PITHD1: variants seen among roughly 807,000 people sequenced by gnomAD.
PITHD1 encodes PITH domain containing 1.
Under a neutral mutation model 27.5 loss-of-function variants are expected in PITHD1, and 8 were observed. The observed-to-expected ratio is 0.29, with a 90% CI of 0.17 to 0.52. The LOEUF (loss-of-function observed/expected upper bound fraction) is 0.52. Among genes scored for constraint, PITHD1 ranks in the 20% least tolerant of loss-of-function variants. PITHD1 has a pLI of 0.96. For missense variants in PITHD1, 233 were observed against 283.9 expected (o/e 0.82, Z 1.29); for synonymous variants, 118 against 106.8 (o/e 1.10, Z -0.64).
intron 3 of PITHD1, among the ~76,000 whole-genome samples, chr1:23,781,996 A>G (rs113438711): frequency 3.0e-4 from 46 of 152,328 alleles, no homozygotes; most frequent in African/African-American, 1.1e-3. Flanking sequence ...AAAATGTACC[A>G]TTATATTCAA....
Position 23,787,410 on chromosome 1 carries a change from C to A in PITHD1, c.*34C>A. 1 of 1,204,644 alleles carries A rather than the reference C, an allele frequency of 8.3e-7. No individual in the cohort carries two copies. Among genetic ancestry groups the A allele is most frequent in the Non-Finnish European group, 1.2e-6 (1 of 810,788 alleles). The allele number at this position is 1,204,644 out of a possible 1,614,324, so 74.6% of individuals were successfully genotyped here. The stretch of plus-strand genomic sequence containing the variant: ...CAAGGCTCCCATAGAGGCGCTGTGT[C>A]AGTGAAGATGTACGACTACCTGTTG... On this transcript the variant is annotated 3_prime_UTR_variant, in exon 6 of 6. Transcript: ENST00000246151.
intron 3 of PITHD1, among the ~76,000 whole-genome samples, chr1:23,780,554 C>T (rs553992206): frequency 1.1e-4 from 16 of 152,114 alleles, no homozygotes; most frequent in East Asian, 9.6e-4. Context: ...AAATTCAGTC[C>T]GGGTGCAGTA....
chr1:23,779,501 C>G lies in PITHD1; in HGVS notation c.242+20C>G. 1.3e-6 allele frequency: 2 copies of G among 1,588,082 alleles called. No homozygotes were observed. The highest frequency in any genetic ancestry group is 4.5e-5 in the East Asian group (2 of 44,762). ...TATTCCGTAAGTATCTCCTTGGTGCCTACCTCAGGCTAAATAGGCTGTACC... is the reference window on the plus strand; with the variant it reads ...TATTCCGTAAGTATCTCCTTGGTGCGTACCTCAGGCTAAATAGGCTGTACC... On this transcript the variant is annotated intron_variant, in intron 2 of 5. Transcript: ENST00000246151.
chr1:23,780,006 T>C, intron 3 of PITHD1, 65 bp downstream of exon 3: 1 of 975,014 alleles, frequency 1.0e-6, no homozygotes, highest in Non-Finnish European at 1.6e-6. Context: ...AACATTTTAT[T>C]CCAGAATAGT....
chr1:23,783,656 T>C (rs999665175), intron 3 of PITHD1, among the ~76,000 whole-genome samples: 1 of 151,864 alleles, frequency 6.6e-6, no homozygotes, highest in Non-Finnish European at 1.5e-5. Context: ...GGTTTCGCCA[T>C]GTTGACCAGG....
At chr1:23,783,036 G>A (rs1334445842) in intron 3 of PITHD1, among the ~76,000 whole-genome samples, 4 of 151,382 alleles carry the variant, frequency 2.6e-5, no homozygotes, top group South Asian at 4.2e-4. Flanking sequence ...TCACTGTGTC[G>A]CCCAGGCTGG....
In PITHD1 at chr1:23,787,566, C is replaced by G; in HGVS notation, c.*190C>G. 1 of 441,118 alleles carries G rather than the reference C, an allele frequency of 2.3e-6. No individual in the cohort carries two copies. Among genetic ancestry groups the G allele is most frequent in the Non-Finnish European group, 4.1e-6 (1 of 243,732 alleles). The allele number at this position is 441,118 out of a possible 1,614,324, so 27.3% of individuals were successfully genotyped here. A position where few individuals can be genotyped will look rare whatever the true frequency, so the allele number is the denominator to read the frequency against. ...ACCACTGGGAGGGTTGTGTAGGTGC[C>G]AGGGGACCATCGTGGTTCTCTAGGG... On this transcript the variant is annotated 3_prime_UTR_variant, in exon 6 of 6. Transcript: ENST00000246151.
intron 3 of PITHD1, among the ~76,000 whole-genome samples, chr1:23,783,146 G>C (rs1176704165): frequency 6.7e-6 from 1 of 149,872 alleles, no homozygotes; most frequent in African/African-American, 2.5e-5. Context: ...ACAGGTGCCC[G>C]CCACCATGTC....
At position 23,778,617 on chromosome 1, in the gene PITHD1, C is replaced by T; in HGVS notation, c.102C>T (p.Arg34=). ...QRGLAYGLYL[R]IDLERLQCLN... ...GCCTGGCCTACGGCCTGTACCTGCG[C>T]ATCGACCTGGAGCGGCTGCAATGCC... Residue 34 remains arginine, a synonymous_variant, in exon 1 of 6, where the codon CGC becomes CGT. Coordinates refer to ENST00000246151, the MANE Select transcript of PITHD1 (RefSeq NM_020362.5). 2.2e-6 allele frequency: 3 copies of T among 1,335,514 alleles called. No individual in the cohort carries two copies. The highest frequency in any genetic ancestry group is 2.9e-6 in the Non-Finnish European group (3 of 1,044,120). The allele number at this position is 1,335,514 out of a possible 1,614,324, so 82.7% of individuals were successfully genotyped here.
chr1:23,783,055 G>A (rs1465334805), intron 3 of PITHD1, among the ~76,000 whole-genome samples: 1 of 151,900 alleles, frequency 6.6e-6, no homozygotes, highest in East Asian at 1.9e-4. Context: ...GGAGTGCAGT[G>A]GCGCGATCTC....
chr1:23,778,688 G>T lies in PITHD1; in HGVS notation c.173G>T (p.Trp58Leu). The T allele has an allele frequency of 7.6e-7, 1 of 1,308,846 alleles. No individual in the cohort carries two copies. Among genetic ancestry groups the T allele is most frequent in the East Asian group, 3.0e-5 (1 of 33,054 alleles). The allele number at this position is 1,308,846 out of a possible 1,614,324, so 81.1% of individuals were successfully genotyped here. The change falls in exon 1 of 6, where the codon TGG becomes TTG. Residue 58 changes from tryptophan to leucine, a missense_variant. Trp to Leu is a moderately conservative substitution (Grantham distance 61). Coordinates refer to ENST00000246151, the MANE Select transcript of PITHD1 (RefSeq NM_020362.5). ...AGCGGCCGCGGCGTCTTCAAGCCGT[G>T]GGAGGAGCGGACCGACCGCTCCAAG... ...EGSGRGVFKP[W>L]EERTDRSKFV...
At chr1:23,780,854 G>T (rs1638586208) in intron 3 of PITHD1, among the ~76,000 whole-genome samples, 1 of 151,654 alleles carries the variant, frequency 6.6e-6, no homozygotes, top group Non-Finnish European at 1.5e-5. Context: ...CAGCCTGGAT[G>T]ACAGAATGAG....
rs2148398868 is a variant in PITHD1 at position 23,779,632 on chromosome 1, T to C, written c.242+151T>C. 1.1e-5 allele frequency: 8 copies of C among 706,194 alleles called. No homozygotes were observed. The South Asian group carries it at 1.3e-4, about 12-fold the overall frequency. 43.7% of individuals were successfully genotyped at this position (706,194 alleles called of 1,614,324 possible). A position where few individuals can be genotyped will look rare whatever the true frequency, so the allele number is the denominator to read the frequency against. On this transcript the variant is annotated intron_variant, in intron 2 of 5. Coordinates refer to ENST00000246151, the MANE Select transcript of PITHD1 (RefSeq NM_020362.5). Reference sequence around the variant, plus strand: ...TTTGAGGAGGAAAGCATCATAGCTTTCTTGGTGCAGACTGGAAACAGATGT... The same window carrying C: ...TTTGAGGAGGAAAGCATCATAGCTTCCTTGGTGCAGACTGGAAACAGATGT...
At chr1:23,783,592 C>T (rs1052313724) in intron 3 of PITHD1, among the ~76,000 whole-genome samples, 28 of 151,884 alleles carry the variant, frequency 1.8e-4, no homozygotes, top group African/African-American at 6.5e-4. Context: ...GCTGGGATTA[C>T]AGGTACACAC....
Position 23,778,626 on chromosome 1 carries a change from G to A in PITHD1, c.111G>A (p.Leu37=). The part of the protein sequence containing the change: ...LAYGLYLRID[L]ERLQCLNESR... Reference sequence around the variant, plus strand: ...ACGGCCTGTACCTGCGCATCGACCTGGAGCGGCTGCAATGCCTTAACGAGA... The same window carrying A: ...ACGGCCTGTACCTGCGCATCGACCTAGAGCGGCTGCAATGCCTTAACGAGA... The change falls in exon 1 of 6, where the codon CTG becomes CTA. Residue 37 remains leucine, a synonymous_variant. Coordinates refer to ENST00000246151, the MANE Select transcript of PITHD1 (RefSeq NM_020362.5). 7.5e-7 allele frequency: 1 copy of A among 1,333,782 alleles called. No individual in the cohort carries two copies. The highest frequency in any genetic ancestry group is 2.0e-5 in the South Asian group (1 of 49,494). 82.6% of individuals were successfully genotyped at this position (1,333,782 alleles called of 1,614,324 possible).
intron 3 of PITHD1, among the ~76,000 whole-genome samples, chr1:23,781,444 C>T (rs1051443285): frequency 2.3e-5 from 3 of 128,950 alleles, no homozygotes; most frequent in Non-Finnish European, 3.2e-5. Context: ...GCCTGGGCAA[C>T]AGAGTGAGAC....
Position 23,783,698 on chromosome 1 carries a change from G to A in PITHD1, c.321-1977G>A, listed in dbSNP as rs535303126. ...TCGAACTCCTGACCTCAAGTGATCC[G>A]CCTGCCTCCGCCTCCCAAAGTGCTG... On this transcript the variant is annotated intron_variant, in intron 3 of 5. Coordinates refer to ENST00000246151, the MANE Select transcript of PITHD1 (RefSeq NM_020362.5). Among the ~76,000 whole-genome samples, 122 of 151,550 alleles carry A rather than the reference G, an allele frequency of 8.1e-4. 1 individual carries two copies. The highest frequency in any genetic ancestry group is 4.6e-3 in the South Asian group (22 of 4,798).
At chr1:23,785,817 T>G (rs534890655) in intron 4 of PITHD1, 38 bp downstream of exon 4, 25 of 1,155,096 alleles carry the variant, frequency 2.2e-5, no homozygotes, top group Middle Eastern at 1.9e-4. Flanking sequence ...CTATGGCTTC[T>G]TATAGGGCTT....
intron 3 of PITHD1, 150 bp from the exon 4 acceptor site, chr1:23,785,525 C>A (rs2148401938): frequency 6.8e-5 from 29 of 428,526 alleles, no homozygotes; most frequent in East Asian, 1.7e-4. Flanking sequence ...TTTGGAGATA[C>A]TTGTATAAAA....
Sources: allele counts gnomAD v4.1 joint callset (sites outside exome capture counted in the v4.1 genomes callset), GRCh38; gene constraint gnomAD v4.1.1; transcripts MANE v1.5; gene names NCBI Gene and HGNC (gene_info 2026-07-23, HGNC 2026-07-21).